ELL: variants seen among roughly 807,000 people sequenced by gnomAD.
The protein encoded by ELL is elongation factor for RNA polymerase II, also known as RNA polymerase II elongation factor ELL.
A neutral mutation model predicts 64.0 loss-of-function variants in ELL; 18 were observed. That is an observed-to-expected ratio of 0.28 (90% confidence interval 0.19 to 0.42). The LOEUF is 0.42. Among genes scored for constraint, ELL ranks in the 10% least tolerant of loss-of-function variants. The pLI is 1.00. For synonymous variants in ELL, 399 were observed against 376.2 expected (o/e 1.06, Z -0.70); for missense variants, 797 against 870.4 (o/e 0.92, Z 1.06).
At chr19:18,468,672 G>T (rs369425271) in intron 2 of ELL, among the ~76,000 whole-genome samples, 16 of 152,320 alleles carry the variant, frequency 1.1e-4, no homozygotes, top group African/African-American at 3.8e-4. Flanking sequence ...AACCCCCACT[G>T]CCCCCTGTGG....
chr19:18,520,673 T>G (rs948319952), intron 1 of ELL, among the ~76,000 whole-genome samples: 1 of 151,812 alleles, frequency 6.6e-6, no homozygotes, highest in Non-Finnish European at 1.5e-5. Context: ...GAAAGCCACA[T>G]TCCTTCCTAG....
At chr19:18,457,709 C>T (rs578237265) in intron 6 of ELL, among the ~76,000 whole-genome samples, 5 of 152,366 alleles carry the variant, frequency 3.3e-5, no homozygotes, top group African/African-American at 1.2e-4. Context: ...GCTGCCACTT[C>T]TGACCCTGGG....
At chr19:18,486,904 C>A (rs1975430390) in intron 1 of ELL, among the ~76,000 whole-genome samples, 1 of 152,182 alleles carries the variant, frequency 6.6e-6, no homozygotes, top group Non-Finnish European at 1.5e-5. Flanking sequence ...TGTGACCTTG[C>A]CAGCCACAAA....
rs1177918930 is a variant in ELL, at chr19:18,501,191, C to A, written c.135+20730G>T. Among the ~76,000 whole-genome samples, 1 of 152,114 alleles carries A rather than the reference C, an allele frequency of 6.6e-6. No individual in the cohort carries two copies. Among genetic ancestry groups the A allele is most frequent in the Non-Finnish European group, 1.5e-5 (1 of 68,032 alleles). On this transcript the variant is annotated intron_variant, in intron 1 of 11. Coordinates refer to ENST00000262809, the MANE Select transcript of ELL (RefSeq NM_006532.4). The surrounding 1 kb of genome is among the most constrained non-coding windows in gnomAD (Gnocchi z 4.5). Reference sequence around the variant, plus strand: ...GGGGCCACGTAGACAACCTGTGACACAGTGAACCCCACTCCACGCCAAACC... The same window carrying A: ...GGGGCCACGTAGACAACCTGTGACAAAGTGAACCCCACTCCACGCCAAACC...
At position 18,465,801 on chromosome 19, in the gene ELL, A is replaced by T. The variant is rs761250991; in HGVS notation, c.301T>A (p.Ser101Thr). The change falls in exon 3 of 12, where the codon TCC becomes ACC. Residue 101 changes from serine (S) to threonine (T), a missense_variant. Transcript: ENST00000262809. Reference sequence around the variant, plus strand: ...TGGGGTGGGGCGGCGCCTCACCTGGAGACATACTGCTGGATGCAGTCGAAG... The same window carrying T: ...TGGGGTGGGGCGGCGCCTCACCTGGTGACATACTGCTGGATGCAGTCGAAG... ...GSFDCIQQYV[S>T]SHGEVHLDCL... 3.6e-6 allele frequency: 5 copies of T among 1,401,142 alleles called. No individual in the cohort carries two copies. Among genetic ancestry groups the T allele is most frequent in the Non-Finnish European group, 4.7e-6 (5 of 1,069,622 alleles). The allele number at this position is 1,401,142 out of a possible 1,614,324, so 86.8% of individuals were successfully genotyped here.
intron 1 of ELL, among the ~76,000 whole-genome samples, chr19:18,517,429 T>C (rs1976152819): frequency 6.6e-6 from 1 of 152,062 alleles, no homozygotes; most frequent in Non-Finnish European, 1.5e-5. Context: ...TTTTGTATTT[T>C]TAGTAGAGAC....
intron 1 of ELL, among the ~76,000 whole-genome samples, chr19:18,482,721 G>A (rs960569045): frequency 6.6e-6 from 1 of 151,912 alleles, no homozygotes; most frequent in African/African-American, 2.4e-5. Flanking sequence ...TTTTATGGGT[G>A]GGTCTTGATT....
At chr19:18,494,402 T>G (rs188039443) in intron 1 of ELL, among the ~76,000 whole-genome samples, 337 of 150,860 alleles carry the variant, frequency 2.2e-3, no homozygotes, top group Non-Finnish European at 4.0e-3. Context: ...GTTTTTTTGT[T>G]TTTTTTTTTG....
chr19:18,455,306 G>A (rs1178133027), intron 6 of ELL, among the ~76,000 whole-genome samples: 1 of 150,398 alleles, frequency 6.6e-6, no homozygotes, highest in Admixed American at 6.7e-5. Context: ...GCCTGGCCAA[G>A]ATGGTGAAAC....
At chr19:18,473,135 C>A in intron 1 of ELL, 2 of 676,836 alleles carry the variant, frequency 3.0e-6, no homozygotes, top group Non-Finnish European at 2.7e-6. Context: ...GGCCTCCAGA[C>A]ACAGGCAACA....
At chr19:18,517,463 C>A (rs967269653) in intron 1 of ELL, among the ~76,000 whole-genome samples, 6 of 152,062 alleles carry the variant, frequency 3.9e-5, no homozygotes, top group Non-Finnish European at 8.8e-5. Context: ...ATTGTCCAGG[C>A]TGGTCTCAAA....
At chr19:18,447,352 C>T (rs983199572) in intron 8 of ELL, among the ~76,000 whole-genome samples, 4 of 152,260 alleles carry the variant, frequency 2.6e-5, no homozygotes, top group Non-Finnish European at 5.9e-5. Flanking sequence ...AGTTCCACGC[C>T]CTTGGTCTGT....
Position 18,461,672 on chromosome 19 carries a change from A to G in ELL, c.650T>C (p.Leu217Pro). 3.7e-6 allele frequency: 6 copies of G among 1,613,264 alleles called. No homozygotes were observed. Among genetic ancestry groups the G allele is most frequent in the Non-Finnish European group, 5.1e-6 (6 of 1,179,966 alleles). ...CAGCTCAGCCTTGCGGTAGGGCCGTAGTGCCAGGAGGTGCAGCACTCGGTC... is the reference window on the plus strand; with the variant it reads ...CAGCTCAGCCTTGCGGTAGGGCCGTGGTGCCAGGAGGTGCAGCACTCGGTC... ...FRDRVLHLLA[L>P]RPYRKAELLL... The change falls in exon 5 of 12, where the codon CTA (leucine) becomes CCA (proline). Residue 217 changes from leucine to proline, a missense_variant. Physicochemically the swap from Leu to Pro is moderately conservative, Grantham distance 98 (BLOSUM62 -3). Coordinates refer to ENST00000262809, the MANE Select transcript of ELL (RefSeq NM_006532.4).
chr19:18,486,916 G>T (rs934807931), intron 1 of ELL, among the ~76,000 whole-genome samples: 14 of 152,160 alleles, frequency 9.2e-5, no homozygotes, highest in African/African-American at 3.1e-4. Context: ...AGCCACAAAG[G>T]TTGGCATCGG....
intron 1 of ELL, among the ~76,000 whole-genome samples, chr19:18,513,960 CG>C (rs747539043): frequency 6.6e-6 from 1 of 151,884 alleles, no homozygotes. Context: ...ACAAAAAAAT[CG>C]GAATTCAGTT....
rs1974421927 is a variant in ELL at position 18,446,564 on chromosome 19, G to A, written c.1533-84C>T. On this transcript the variant is annotated intron_variant, in intron 9 of 11. Coordinates refer to ENST00000262809, the MANE Select transcript of ELL (RefSeq NM_006532.4). ...AAGTGGCCATCCTGGCTCCACCGGC[G>A]GCCTGGCCTCTCGGGTGATTCCCTG... is the stretch of plus-strand genomic sequence containing the variant. 1.4e-5 allele frequency: 21 copies of A among 1,544,008 alleles called. No homozygotes were observed. In the South Asian group the frequency reaches 1.9e-4, roughly 14 times the overall value.
chr19:18,501,971 G>T lies in ELL; in HGVS notation c.135+19950C>A, dbSNP rs1363015877. On this transcript the variant is annotated intron_variant, in intron 1 of 11. Coordinates refer to ENST00000262809, the MANE Select transcript of ELL (RefSeq NM_006532.4). This position sits in a 1 kb window ranked among gnomAD's most constrained non-coding sequence, Gnocchi z 4.5. ...GCGGGCAGGTCCTGGGGCCTCATGA[G>T]GGTGGTTTGGGGTCAGAAGACACAC... Among the ~76,000 whole-genome samples the T allele has an allele frequency of 6.6e-6, 1 of 152,172 alleles. No homozygotes were observed. The highest frequency in any genetic ancestry group is 1.5e-5 in the Non-Finnish European group (1 of 68,042).
intron 2 of ELL, 74 bp from the exon 3 acceptor site, chr19:18,465,992 G>A: frequency 8.2e-7 from 1 of 1,226,372 alleles, no homozygotes; most frequent in East Asian, 3.1e-5. Context: ...CTTCCTGCAT[G>A]AGTCCCCACA....
chr19:18,508,887 T>C (rs1395861116), intron 1 of ELL, among the ~76,000 whole-genome samples: 2 of 152,064 alleles, frequency 1.3e-5, no homozygotes, highest in Non-Finnish European at 2.9e-5. Flanking sequence ...GTCTCTAGGG[T>C]TGCTGCTGAA....
Sources: gnomAD v4.1 joint callset for allele counts (sites outside exome capture counted in the v4.1 genomes callset) on GRCh38, gnomAD v4.1.1 for gene constraint, Gnocchi (gnomAD v3.1) non-coding constraint, MANE v1.5 for transcripts, NCBI Gene and HGNC (gene_info 2026-07-23, HGNC 2026-07-21) for gene names.